The following EPS8L2 variants were observed in gnomAD, a reference collection of about 807,000 sequenced individuals.
The protein encoded by EPS8L2 is EPS8 signaling adaptor L2.
In EPS8L2, 81 loss-of-function variants were observed where a neutral mutation model predicts 99.4. That is an observed-to-expected ratio of 0.82 (90% confidence interval 0.68 to 0.98). The LOEUF (loss-of-function observed/expected upper bound fraction) is 0.98, where lower values mean the gene tolerates loss of function less well. Among genes scored for constraint, EPS8L2 ranks in the 50% least tolerant of loss-of-function variants. The probability of loss-of-function intolerance (pLI) is 0.00; values close to 1 mark genes in which losing one functional copy is unlikely to be tolerated. For missense variants in EPS8L2, 1,155 were observed against 968.8 expected, an observed-to-expected ratio of 1.19 and a Z score of -2.55; for synonymous variants, 509 against 407.3, an observed-to-expected ratio of 1.25 and a Z score of -3.01.
At chr11:720,545 C>G in intron 5 of EPS8L2, 52 bp from the exon 6 acceptor site, 1 of 1,565,360 alleles carries the variant, frequency 6.4e-7, no homozygotes, top group Non-Finnish European at 8.6e-7. Context: ...CCACTCCCTG[C>G]CAGAGTGCCC....
intron 1 of EPS8L2, among the ~76,000 whole-genome samples, chr11:707,059 T>C (rs1468795913): frequency 6.6e-6 from 1 of 151,534 alleles, no homozygotes; most frequent in African/African-American, 2.4e-5. Flanking sequence ...ACCCACCCCG[T>C]GCTCAGTCCT....
intron 12 of EPS8L2, 58 bp from the exon 13 acceptor site, chr11:722,343 G>T: frequency 6.3e-7 from 1 of 1,591,836 alleles, no homozygotes. Context: ...TGGAGCTACG[G>T]GGGTGCTGGG....
At chr11:722,039 G>A (rs1204764359) in intron 11 of EPS8L2, 48 bp downstream of exon 11, 2 of 1,607,938 alleles carry the variant, frequency 1.2e-6, no homozygotes, top group South Asian at 1.1e-5. Context: ...GCTGAGGGGA[G>A]GGTGGAGGCC....
chr11:726,512 G>A (rs769976624), intron 19 of EPS8L2, 28 bp downstream of exon 19: 11 of 1,528,870 alleles, frequency 7.2e-6, no homozygotes, highest in African/African-American at 1.4e-5. Flanking sequence ...ATGAGCTGGG[G>A]CCCGGGCGAG....
chr11:715,209 TC>T (rs1177562158), intron 4 of EPS8L2, among the ~76,000 whole-genome samples: 7 of 151,190 alleles, frequency 4.6e-5, no homozygotes, highest in South Asian at 2.1e-4. Context: ...GCCACTGCAC[TC>T]CAGCCTGGGA....
intron 1 of EPS8L2, chr11:708,947 G>A (rs1172090824): frequency 1.9e-3 from 35 of 18,614 alleles, no homozygotes; most frequent in African/African-American, 6.9e-3. Flanking sequence ...AACCCCCACC[G>A]CACCCCCCTC....
rs1862166916 is a variant in EPS8L2, at chr11:721,283, A to G, written c.701-2A>G. The G allele has an allele frequency of 2.6e-6, 4 of 1,539,796 alleles. No individual in the cohort carries two copies. Among genetic ancestry groups the G allele is most frequent in the African/African-American group, 2.8e-5 (2 of 72,724 alleles). On this transcript the variant is annotated splice_acceptor_variant, in intron 8 of 20. Coordinates refer to ENST00000318562, the MANE Select transcript of EPS8L2 (RefSeq NM_022772.4). LOFTEE classifies it high-confidence loss of function. ...GTGAGCAGCCGCCGTGTCCCCCATC[A>G]GGTTTCCGCCGTCGGGAGTCGCAGG...
intron 3 of EPS8L2, 80 bp downstream of exon 3, chr11:709,688 C>T (rs1453552163): frequency 6.8e-7 from 1 of 1,479,596 alleles, no homozygotes; most frequent in Non-Finnish European, 9.2e-7. Context: ...GCTGCTCCTG[C>T]CCCACAGCTG....
At chr11:707,218 C>G (rs1861749316) in intron 1 of EPS8L2, among the ~76,000 whole-genome samples, 1 of 152,172 alleles carries the variant, frequency 6.6e-6, no homozygotes, top group Non-Finnish European at 1.5e-5. Context: ...ACCGGGCCTT[C>G]TCCGCCTGCC....
In EPS8L2 at chr11:722,135, C is replaced by G; in HGVS notation, c.1029C>G (p.Leu343=). The G allele has an allele frequency of 6.2e-7, 1 of 1,612,906 alleles. No homozygotes were observed. Among genetic ancestry groups the G allele is most frequent in the Non-Finnish European group, 8.5e-7 (1 of 1,179,862 alleles). ...TCCAGAACCCCAGCGCCGCGGAGCTCGTGCACTTCCTCTTCGGGCCTCTGG... is the reference window on the plus strand; with the variant it reads ...TCCAGAACCCCAGCGCCGCGGAGCTGGTGCACTTCCTCTTCGGGCCTCTGG... ...KHIQNPSAAE[L]VHFLFGPLDL... is the part of the protein sequence containing the mutation. The change falls in exon 12 of 21, where the codon CTC becomes CTG. Residue 343 remains leucine (L), a synonymous_variant. Transcript: ENST00000318562.
chr11:720,327 C>T, intron 5 of EPS8L2, 104 bp downstream of exon 5: 1 of 1,270,604 alleles, frequency 7.9e-7, no homozygotes. Context: ...CAGGGCCGGC[C>T]ATGCCCTATC....
Position 726,370 on chromosome 11 carries a change from A to G in EPS8L2, c.1820A>G (p.Gln607Arg), listed in dbSNP as rs1179794073. The change falls in exon 19 of 21, where the codon CAG becomes CGG. Residue 607 changes from glutamine to arginine, a missense_variant. Gln to Arg is a conservative substitution (Grantham distance 43, BLOSUM62 1). Coordinates refer to ENST00000318562, the MANE Select transcript of EPS8L2 (RefSeq NM_022772.4). ...LIRKISNIRA[Q>R]PQRHFRVERS... ...CGGAAAATCAGCAACATCAGGGCGC[A>G]GCCACAGAGGCACTTCCGCGTGGAG... The G allele has an allele frequency of 2.5e-6, 4 of 1,610,910 alleles. No homozygotes were observed. Among genetic ancestry groups the G allele is most frequent in the Non-Finnish European group, 3.4e-6 (4 of 1,179,248 alleles).
At position 709,153 on chromosome 11, in the gene EPS8L2, T is replaced by TGTCAACTGGGACGTGGG. The variant is rs1202367118; in HGVS notation, c.-78-175_-78-159dup. On this transcript the variant is annotated intron_variant, in intron 1 of 20. Transcript: ENST00000318562. ...CTGAGGCATGACGAGGCTGATCGAC[T>TGTCAACTGGGACGTGGG]GTCAACTGGGACGTGGGGCCAACTG... 2.5e-4 allele frequency: 102 copies of TGTCAACTGGGACGTGGG among 411,540 alleles called. No individual in the cohort carries two copies. In the African/African-American group the frequency reaches 4.2e-3, roughly 17 times the overall value. The allele number at this position is 411,540 out of a possible 1,614,324, so 25.5% of individuals were successfully genotyped here. A position where few individuals can be genotyped will look rare whatever the true frequency, so the allele number is the denominator to read the frequency against.
chr11:720,304 C>A, intron 5 of EPS8L2, 81 bp downstream of exon 5: 1 of 1,476,594 alleles, frequency 6.8e-7, no homozygotes, highest in South Asian at 1.2e-5. Context: ...GGATGTGCGG[C>A]CGGTCCTCTC....
At chr11:720,305 C>T (rs774195345) in intron 5 of EPS8L2, 82 bp downstream of exon 5, 22 of 1,474,748 alleles carry the variant, frequency 1.5e-5, no homozygotes, top group African/African-American at 1.3e-4. Flanking sequence ...GATGTGCGGC[C>T]GGTCCTCTCT....
intron 5 of EPS8L2, 22 bp downstream of exon 5, chr11:720,245 G>C (rs1218612837): frequency 6.2e-7 from 1 of 1,611,724 alleles, no homozygotes; most frequent in Non-Finnish European, 8.5e-7. Context: ...CGCCACGGGG[G>C]ACAGGGAGCA....
chr11:715,618 GTTTTTTTTTT>G (rs929222502), intron 4 of EPS8L2, among the ~76,000 whole-genome samples: 2 of 120,038 alleles, frequency 1.7e-5, no homozygotes, highest in African/African-American at 3.4e-5. Flanking sequence ...TTTTTCTTTT[GTTTTTTTTTT>G]TTTTTTTTTT....
intron 7 of EPS8L2, 48 bp from the exon 8 acceptor site, chr11:721,016 G>C: frequency 6.7e-7 from 1 of 1,493,424 alleles, no homozygotes; most frequent in South Asian, 1.3e-5. Context: ...GGGAGGGAGG[G>C]TCAGGTGCGT....
intron 1 of EPS8L2, among the ~76,000 whole-genome samples, chr11:707,029 A>T (rs963705506): frequency 6.6e-6 from 1 of 151,718 alleles, no homozygotes; most frequent in South Asian, 2.1e-4. Context: ...AGGGCCGGGC[A>T]TGCCCGGACC....
Sources: allele counts gnomAD v4.1 joint callset (sites outside exome capture counted in the v4.1 genomes callset), GRCh38; gene constraint gnomAD v4.1.1; transcripts MANE v1.5; gene names NCBI Gene and HGNC (gene_info 2026-07-23, HGNC 2026-07-21).